RNF220: variants seen among roughly 807,000 people sequenced by gnomAD.
The protein encoded by RNF220 is E3 ubiquitin-protein ligase RNF220.
A neutral mutation model predicts 67.1 loss-of-function variants in RNF220; 7 were observed. The ratio of observed to expected loss-of-function variants is 0.10; its 90% CI spans 0.06 to 0.20. RNF220 has a LOEUF of 0.20. Ranked by LOEUF, RNF220 falls within the 10% of genes least tolerant of loss-of-function variation. The pLI, the probability that RNF220 is intolerant of heterozygous loss-of-function variation, is 1.00. For missense variants in RNF220, 565 were observed against 740.3 expected (o/e 0.76, Z 2.75); for synonymous variants, 270 against 283.2 (o/e 0.95, Z 0.47).
chr1:44,480,691 G>C (rs1214639278), intron 2 of RNF220, among the ~76,000 whole-genome samples: 2 of 152,054 alleles, frequency 1.3e-5, no homozygotes, highest in African/African-American at 4.8e-5. Context: ...TTCAAGACCA[G>C]CCTGGCCAAC....
intron 2 of RNF220, among the ~76,000 whole-genome samples, chr1:44,611,717 G>C (rs1258983438): frequency 6.6e-6 from 1 of 152,100 alleles, no homozygotes; most frequent in East Asian, 1.9e-4. Flanking sequence ...GCAGTCACGG[G>C]CTCTCTTTTT....
At chr1:44,596,152 A>G (rs1034194785) in intron 2 of RNF220, among the ~76,000 whole-genome samples, 1 of 152,204 alleles carries the variant, frequency 6.6e-6, no homozygotes, top group Non-Finnish European at 1.5e-5. Flanking sequence ...CAACTCAAGG[A>G]AGGGGAGCAG....
chr1:44,619,433 A>G (rs1046225423), intron 3 of RNF220, among the ~76,000 whole-genome samples: 3 of 152,168 alleles, frequency 2.0e-5, no homozygotes, highest in African/African-American at 7.2e-5. Context: ...TTGGTTGGGT[A>G]ATGAACTAGA....
chr1:44,622,847 G>C lies in RNF220; in HGVS notation c.804+60G>C. ...TACTAACCTAGGCCTACCCAGAACT[G>C]GTTCCTCCTGAGAAAAAGGAGCTTT... On this transcript the variant is annotated intron_variant, in intron 4 of 14. Transcript: ENST00000361799. This position sits in a 1 kb window ranked among gnomAD's most constrained non-coding sequence, Gnocchi z 4.3. The C allele has an allele frequency of 6.9e-7, 1 of 1,454,722 alleles. No individual in the cohort carries two copies. The highest frequency in any genetic ancestry group is 9.6e-7 in the Non-Finnish European group (1 of 1,039,964). 90.1% of individuals were successfully genotyped at this position (1,454,722 alleles called of 1,614,324 possible). A position where few individuals can be genotyped will look rare whatever the true frequency, so the allele number is the denominator to read the frequency against.
chr1:44,506,915 T>C (rs1658483087), intron 2 of RNF220, among the ~76,000 whole-genome samples: 2 of 152,188 alleles, frequency 1.3e-5, no homozygotes, highest in African/African-American at 2.4e-5. Flanking sequence ...GAACCAATCA[T>C]AGATTGTTGA....
At chr1:44,531,179 T>C (rs1242443536) in intron 2 of RNF220, among the ~76,000 whole-genome samples, 1 of 152,170 alleles carries the variant, frequency 6.6e-6, no homozygotes, top group African/African-American at 2.4e-5. Flanking sequence ...GATTCCTCCC[T>C]TGCTTCCTGT....
chr1:44,528,890 A>G (rs1660619246), intron 2 of RNF220, among the ~76,000 whole-genome samples: 1 of 152,248 alleles, frequency 6.6e-6, no homozygotes, highest in African/African-American at 2.4e-5. Flanking sequence ...CTGGGATTAC[A>G]GGCATGAGCC....
At chr1:44,481,353 G>T (rs1371871004) in intron 2 of RNF220, among the ~76,000 whole-genome samples, 2 of 152,106 alleles carry the variant, frequency 1.3e-5, no homozygotes, top group African/African-American at 4.8e-5. Context: ...TTGAGCTCAG[G>T]AATTCGAGGC....
At chr1:44,489,413 T>G (rs1338088221) in intron 2 of RNF220, among the ~76,000 whole-genome samples, 1 of 152,070 alleles carries the variant, frequency 6.6e-6, no homozygotes, top group Non-Finnish European at 1.5e-5. Flanking sequence ...GTCTTGGGAG[T>G]TCAGAGGAAA....
At chr1:44,421,469 C>T (rs1189341429) in intron 2 of RNF220, among the ~76,000 whole-genome samples, 2 of 152,112 alleles carry the variant, frequency 1.3e-5, no homozygotes, top group East Asian at 3.9e-4. Context: ...AATCTGTGAA[C>T]CTTCCCCCAT....
intron 2 of RNF220, among the ~76,000 whole-genome samples, chr1:44,499,023 C>T (rs572956540): frequency 1.3e-5 from 2 of 152,266 alleles, no homozygotes; most frequent in East Asian, 3.9e-4. Context: ...TCCTGCTCTC[C>T]AACTGCCAAT....
chr1:44,598,461 T>C (rs1428473329), intron 2 of RNF220, among the ~76,000 whole-genome samples: 1 of 152,112 alleles, frequency 6.6e-6, no homozygotes, highest in Non-Finnish European at 1.5e-5. Context: ...TCTCCTCCAG[T>C]CAGAGAAGCC....
chr1:44,486,003 C>T (rs1656266125), intron 2 of RNF220, among the ~76,000 whole-genome samples: 1 of 152,162 alleles, frequency 6.6e-6, no homozygotes, highest in Non-Finnish European at 1.5e-5. Flanking sequence ...TAGGAGAGGG[C>T]TTAGAGCTAT....
intron 2 of RNF220, among the ~76,000 whole-genome samples, chr1:44,512,371 C>A (rs963548700): frequency 1.3e-5 from 2 of 152,038 alleles, no homozygotes; most frequent in Non-Finnish European, 2.9e-5. Flanking sequence ...TCTGCTCATC[C>A]AAAAAAGCCA....
intron 2 of RNF220, among the ~76,000 whole-genome samples, chr1:44,608,271 T>A (rs981246084): frequency 3.9e-5 from 6 of 152,168 alleles, no homozygotes; most frequent in African/African-American, 1.4e-4. Context: ...AATCGTTTCA[T>A]GTTTCTATCC....
At position 44,600,680 on chromosome 1, in the gene RNF220, A is replaced by C. The variant is rs921994893; in HGVS notation, c.626-13485A>C. ...TATTAAAAATACAAAAATTAGACAG[A>C]TGTGGTGGCACACACCTGCAGTCCC... On this transcript the variant is annotated intron_variant, in intron 2 of 14. Transcript: ENST00000361799. The surrounding 1 kb of genome is among the most constrained non-coding windows in gnomAD (Gnocchi z 4.0). 1.3e-5 allele frequency among the ~76,000 whole-genome samples: 2 copies of C among 151,936 alleles called. No individual in the cohort carries two copies. Among genetic ancestry groups the C allele is most frequent in the Non-Finnish European group, 2.9e-5 (2 of 67,974 alleles).
chr1:44,601,177 G>A (rs1385447500), intron 2 of RNF220, among the ~76,000 whole-genome samples: 1 of 152,174 alleles, frequency 6.6e-6, no homozygotes, highest in African/African-American at 2.4e-5. Flanking sequence ...TATAACTGGA[G>A]TATCTATTGT....
intron 2 of RNF220, among the ~76,000 whole-genome samples, chr1:44,418,128 G>T (rs1438282233): frequency 1.3e-5 from 2 of 152,228 alleles, no homozygotes; most frequent in South Asian, 4.1e-4. Context: ...GATAAGGGGG[G>T]GGCGCCCACG....
At chr1:44,555,718 G>A (rs1307435978) in intron 2 of RNF220, among the ~76,000 whole-genome samples, 6 of 147,826 alleles carry the variant, frequency 4.1e-5, no homozygotes, top group East Asian at 4.3e-4. Flanking sequence ...CTCATGATTC[G>A]CCTGCCTCGG....
Sources: gnomAD v4.1 joint callset for allele counts (sites outside exome capture counted in the v4.1 genomes callset) on GRCh38, gnomAD v4.1.1 for gene constraint, Gnocchi (gnomAD v3.1) non-coding constraint, MANE v1.5 for transcripts, NCBI Gene and HGNC (gene_info 2026-07-23, HGNC 2026-07-21) for gene names.